PREX2: variants seen among roughly 807,000 people sequenced by gnomAD.
PREX2 encodes the protein phosphatidylinositol 3,4,5-trisphosphate-dependent Rac exchanger 2 protein.
PREX2 carries 107 observed loss-of-function variants against 203.2 expected under a neutral mutation model. The observed-to-expected ratio is 0.53, with a 90% CI of 0.45 to 0.62. The LOEUF (loss-of-function observed/expected upper bound fraction) is 0.62, where lower values mean the gene tolerates loss of function less well. PREX2 is among the 20% of genes least tolerant of loss of function. The probability of loss-of-function intolerance (pLI) is 0.00; values close to 1 mark genes in which losing one functional copy is unlikely to be tolerated. For synonymous variants in PREX2, 672 were observed against 663.6 expected (o/e 1.01, Z -0.19); for missense variants, 1,777 against 1,955.9 (o/e 0.91, Z 1.72).
chr8:68,055,928 G>C lies in PREX2; in HGVS notation c.1192G>C (p.Asp398His), dbSNP rs1178179548. The change falls in exon 10 of 40, where the codon GAC becomes CAC. Residue 398 changes from aspartate (D) to histidine (H), a missense_variant. By Grantham distance (81) the Asp-to-His change is moderately conservative. Coordinates refer to ENST00000288368, the MANE Select transcript of PREX2 (RefSeq NM_024870.4). ...MMCRQGNLIK[D>H]RKRKLTTFPK... ...GTGCAGACAAGGAAATCTGATCAAAGACCGAAAGAGAAAACTGACTACGTT... is the reference window on the plus strand; with the variant it reads ...GTGCAGACAAGGAAATCTGATCAAACACCGAAAGAGAAAACTGACTACGTT... 18 of 1,613,442 alleles carry C rather than the reference G, an allele frequency of 1.1e-5. No homozygotes were observed. Among genetic ancestry groups the C allele is most frequent in the South Asian group, 3.3e-5 (3 of 90,952 alleles).
intron 37 of PREX2, among the ~76,000 whole-genome samples, chr8:68,197,760 A>G (rs1244940873): frequency 6.7e-6 from 1 of 148,270 alleles, no homozygotes; most frequent in Non-Finnish European, 1.5e-5. Flanking sequence ...TATATATGCT[A>G]TATTATATAT....
At chr8:68,163,740 C>A (rs1165056581) in intron 35 of PREX2, among the ~76,000 whole-genome samples, 1 of 152,148 alleles carries the variant, frequency 6.6e-6, no homozygotes, top group Non-Finnish European at 1.5e-5. Context: ...TGGGACCAGG[C>A]CAAGCAATGC....
intron 1 of PREX2, among the ~76,000 whole-genome samples, chr8:67,978,981 A>G (rs1806191321): frequency 6.6e-6 from 1 of 152,214 alleles, no homozygotes; most frequent in Non-Finnish European, 1.5e-5. Flanking sequence ...ATGTAAGTAT[A>G]AAAAATAGGA....
intron 1 of PREX2, among the ~76,000 whole-genome samples, chr8:67,987,959 G>A (rs10093157): frequency 0.11 from 17,387 of 152,050 alleles, 1,134 homozygotes; most frequent in African/African-American, 0.19. Context: ...AATACACGCA[G>A]TGTCTTTGCA....
chr8:68,151,267 A>AT (rs1811428851), intron 34 of PREX2, among the ~76,000 whole-genome samples: 1 of 151,940 alleles, frequency 6.6e-6, no homozygotes, highest in African/African-American at 2.4e-5. Context: ...AAAAAAAAAA[A>AT]TTAGCTGGTT....
chr8:67,959,306 G>A (rs1470028606), intron 1 of PREX2, among the ~76,000 whole-genome samples: 1 of 152,150 alleles, frequency 6.6e-6, no homozygotes, highest in East Asian at 1.9e-4. Context: ...GAATGTCATT[G>A]GGGTTTTAGC....
intron 1 of PREX2, among the ~76,000 whole-genome samples, chr8:67,968,679 T>C (rs539325420): frequency 1.3e-5 from 2 of 152,300 alleles, no homozygotes; most frequent in East Asian, 3.9e-4. Flanking sequence ...AAAGTTGAAA[T>C]CTTTCGCATC....
chr8:68,043,272 T>C (rs936016266), intron 7 of PREX2, among the ~76,000 whole-genome samples: 1 of 152,046 alleles, frequency 6.6e-6, no homozygotes, highest in Non-Finnish European at 1.5e-5. Context: ...GTGATGAAGG[T>C]CTGGGGCTGA....
chr8:68,076,646 GAAAA>G (rs748138010), intron 14 of PREX2, among the ~76,000 whole-genome samples: 76 of 149,162 alleles, frequency 5.1e-4, no homozygotes, highest in Middle Eastern at 3.4e-3. Context: ...TAATATGTGA[GAAAA>G]AAGCTGCTTG....
At chr8:68,023,228 T>C (rs1241197487) in intron 4 of PREX2, among the ~76,000 whole-genome samples, 4 of 152,202 alleles carry the variant, frequency 2.6e-5, no homozygotes, top group Admixed American at 6.5e-5. Flanking sequence ...TCACTGTGGC[T>C]GTGCCATATT....
intron 1 of PREX2, among the ~76,000 whole-genome samples, chr8:67,991,834 C>T (rs6995467): frequency 0.48 from 73,086 of 151,936 alleles, 17,953 homozygotes; most frequent in East Asian, 0.6. Flanking sequence ...TGGTGCCAGC[C>T]AGGAATGTGG....
intron 25 of PREX2, among the ~76,000 whole-genome samples, chr8:68,115,353 G>A (rs1047642101): frequency 2.6e-5 from 4 of 152,128 alleles, no homozygotes; most frequent in African/African-American, 9.7e-5. Context: ...TCATAAGGTG[G>A]TGATGGTTGT....
intron 13 of PREX2, among the ~76,000 whole-genome samples, 172 bp from the exon 14 acceptor site, chr8:68,072,323 C>T (rs1025147730): frequency 6.6e-6 from 1 of 152,136 alleles, no homozygotes; most frequent in Non-Finnish European, 1.5e-5. Context: ...AGGTGTTTTA[C>T]ATGCATAATA....
chr8:68,203,690 T>C (rs1205687343), intron 37 of PREX2, among the ~76,000 whole-genome samples: 2 of 152,086 alleles, frequency 1.3e-5, no homozygotes, highest in African/African-American at 2.4e-5. Context: ...GCAGCACATA[T>C]AGAGTATTAA....
At chr8:68,052,471 A>T (rs529253020) in intron 8 of PREX2, among the ~76,000 whole-genome samples, 1 of 152,312 alleles carries the variant, frequency 6.6e-6, no homozygotes, top group East Asian at 1.9e-4. Context: ...TATCTTCAAA[A>T]ATTTTTTTAT....
In PREX2 at chr8:67,952,482, G is replaced by C; in HGVS notation, c.88G>C (p.Glu30Gln). The C allele has an allele frequency of 1.2e-6, 2 of 1,607,540 alleles. No individual in the cohort carries two copies. The highest frequency in any genetic ancestry group is 1.7e-6 in the Non-Finnish European group (2 of 1,177,190). The change falls in exon 1 of 40, where the codon GAG becomes CAG. Residue 30 changes from glutamate (E) to glutamine (Q), a missense_variant. Coordinates refer to ENST00000288368, the MANE Select transcript of PREX2 (RefSeq NM_024870.4). ...TCGCCTGCGCGTGTGCGTGCTCAGC[G>C]AGCTCCAGAAGACCGAGCGGGACTA... Reference protein sequence around the residue: ...QLRLRVCVLSELQKTERDYVG... With the variant: ...QLRLRVCVLSQLQKTERDYVG...
intron 26 of PREX2, 23 bp from the exon 27 acceptor site, chr8:68,118,527 A>G (rs1434781562): frequency 1.2e-5 from 18 of 1,559,018 alleles, no homozygotes; most frequent in Non-Finnish European, 1.6e-5. Context: ...CTCTTACAGT[A>G]ACATGAAACC....
intron 1 of PREX2, among the ~76,000 whole-genome samples, chr8:68,008,838 C>T (rs1011054568): frequency 1.3e-4 from 20 of 152,162 alleles, no homozygotes; most frequent in Non-Finnish European, 2.6e-4. Flanking sequence ...GCTTCTCCTT[C>T]GCCTTCTGCC....
intron 1 of PREX2, among the ~76,000 whole-genome samples, chr8:67,984,954 A>G (rs1253413702): frequency 2.6e-5 from 4 of 151,388 alleles, no homozygotes; most frequent in Admixed American, 2.6e-4. Flanking sequence ...CACCCAGCCC[A>G]GTCGCACGGG....
Sources: allele counts gnomAD v4.1 joint callset (sites outside exome capture counted in the v4.1 genomes callset), GRCh38; gene constraint gnomAD v4.1.1; transcripts MANE v1.5; gene names NCBI Gene and HGNC (gene_info 2026-07-23, HGNC 2026-07-21).